Variants in COL3A1 observed in about 807,000 individuals in gnomAD.
COL3A1 encodes collagen type III alpha 1 chain, also known as collagen alpha-1(III) chain.
Under a neutral mutation model 200.9 loss-of-function variants are expected in COL3A1, and 46 were observed. The observed-to-expected ratio is 0.23, with a 90% CI of 0.18 to 0.29. COL3A1 has a LOEUF of 0.29. Ranked by LOEUF, COL3A1 falls within the 10% of genes least tolerant of loss-of-function variation. COL3A1 has a pLI of 1.00. For missense variants in COL3A1, 1,367 were observed against 1,917.6 expected, an observed-to-expected ratio of 0.71 and a Z score of 5.36; for synonymous variants, 650 against 628.0, an observed-to-expected ratio of 1.03 and a Z score of -0.52.
At position 189,010,188 on chromosome 2, in the gene COL3A1, G is replaced by T; in HGVS notation, c.3834G>T (p.Trp1278Cys). 1 of 1,614,038 alleles carries T rather than the reference G, an allele frequency of 6.2e-7. No homozygotes were observed. The highest frequency in any genetic ancestry group is 8.5e-7 in the Non-Finnish European group (1 of 1,179,972). ...CHPELKSGEY[W>C]VDPNQGCKLD... ...TTTGTGACTATTCAGGAGAATACTG[G>T]GTTGACCCTAACCAAGGATGCAAAT... The change falls in exon 49 of 51, where the codon TGG becomes TGT. Residue 1278 changes from tryptophan (W) to cysteine (C), a missense_variant. Physicochemically the swap from Trp to Cys is radical, Grantham distance 215 (BLOSUM62 -2). Coordinates refer to ENST00000304636, the MANE Select transcript of COL3A1 (RefSeq NM_000090.4).
At chr2:188,992,847 G>T in intron 14 of COL3A1, 40 bp from the exon 15 acceptor site, 1 of 1,572,630 alleles carries the variant, frequency 6.4e-7, no homozygotes, top group Non-Finnish European at 8.8e-7. Flanking sequence ...CTTTCATTTA[G>T]TTGAAAAAGA....
chr2:188,980,215 G>A (rs1687920482), intron 1 of COL3A1, among the ~76,000 whole-genome samples: 1 of 151,206 alleles, frequency 6.6e-6, no homozygotes, highest in Non-Finnish European at 1.5e-5. Flanking sequence ...TTTATAATTT[G>A]ACACTAAGAA....
chr2:188,989,440 T>G lies in COL3A1; in HGVS notation c.681T>G (p.Ala227=). 6.2e-7 allele frequency: 1 copy of G among 1,607,224 alleles called. No individual in the cohort carries two copies. The highest frequency in any genetic ancestry group is 1.3e-5 in the African/African-American group (1 of 74,780). The change falls in exon 8 of 51, where the codon GCT becomes GCG. Residue 227 remains alanine (A), a synonymous_variant. Coordinates refer to ENST00000304636, the MANE Select transcript of COL3A1 (RefSeq NM_000090.4). ...PPGAIGPSGP[A]GKDGESGRPG... is the part of the protein sequence containing the mutation. ...GTGCTATAGGTCCATCTGGTCCTGC[T>G]GGAAAAGATGTAAGTTTTTAAAACT... is the stretch of plus-strand genomic sequence containing the variant.
intron 37 of COL3A1, 87 bp from the exon 38 acceptor site, chr2:189,003,647 C>A: frequency 1.4e-6 from 2 of 1,450,224 alleles, no homozygotes; most frequent in Non-Finnish European, 1.9e-6. Flanking sequence ...AGGTACAATG[C>A]AGATCATGCC....
rs1162290106 is a variant in COL3A1 at position 188,994,473 on chromosome 2, G to T, written c.1294-68G>T. The T allele has an allele frequency of 6.4e-7, 1 of 1,573,916 alleles. No individual in the cohort carries two copies. The highest frequency in any genetic ancestry group is 1.3e-5 in the African/African-American group (1 of 74,090). On this transcript the variant is annotated intron_variant, in intron 18 of 50. Transcript: ENST00000304636. The surrounding 1 kb of genome is among the most constrained non-coding windows in gnomAD (Gnocchi z 4.5). The stretch of plus-strand genomic sequence containing the variant: ...GTCTTATAACTTATAACTGAATTAT[G>T]TGTTACTGGTGATGATTTGTTAGTC...
chr2:188,994,345 G>C lies in COL3A1; in HGVS notation c.1293+13G>C, dbSNP rs746866488. 1.1e-5 allele frequency: 17 copies of C among 1,613,176 alleles called. No individual in the cohort carries two copies. The highest frequency in any genetic ancestry group is 1.4e-5 in the Non-Finnish European group (17 of 1,179,802). On this transcript the variant is annotated intron_variant, in intron 18 of 50. Coordinates refer to ENST00000304636, the MANE Select transcript of COL3A1 (RefSeq NM_000090.4). The surrounding 1 kb of genome is among the most constrained non-coding windows in gnomAD (Gnocchi z 4.5). The stretch of plus-strand genomic sequence containing the variant: ...GCGAGGTGGTGCAGTAAGTTGCCTT[G>C]TTTTTTCTCTGTTGACTGAAAGGTA...
intron 16 of COL3A1, 139 bp downstream of exon 16, chr2:188,993,598 G>T: frequency 1.3e-6 from 1 of 748,502 alleles, no homozygotes; most frequent in Non-Finnish European, 2.3e-6. Context: ...GTTGCTTAGT[G>T]CTCTAAAATG....
At chr2:188,976,428 T>C (rs749480046) in intron 1 of COL3A1, among the ~76,000 whole-genome samples, 7 of 152,062 alleles carry the variant, frequency 4.6e-5, no homozygotes, top group Non-Finnish European at 1.0e-4. Context: ...TCAAAAAGAG[T>C]TGAAAGAGAA....
intron 1 of COL3A1, among the ~76,000 whole-genome samples, chr2:188,978,416 A>G (rs1246529256): frequency 6.6e-6 from 1 of 152,122 alleles, no homozygotes; most frequent in East Asian, 1.9e-4. Context: ...ATCTACGGTC[A>G]CATGCTGGAC....
chr2:188,999,674 A>T (rs1017253160), intron 31 of COL3A1, 97 bp downstream of exon 31: 45 of 1,429,104 alleles, frequency 3.1e-5, no homozygotes, highest in Non-Finnish European at 4.1e-5. Context: ...TATTTTCAAA[A>T]TTAATGTTAT....
rs1553506856 is a variant in COL3A1 at position 188,984,855 on chromosome 2, T to G, written c.175T>G (p.Ser59Ala). ...PCQICVCDSG[S>A]VLCDDIICDD... ...CCAAATATGTGTCTGTGACTCAGGATCCGTTCTCTGCGATGACATAATATG... is the reference window on the plus strand; with the variant it reads ...CCAAATATGTGTCTGTGACTCAGGAGCCGTTCTCTGCGATGACATAATATG... Residue 59 changes from serine (S) to alanine (A), a missense_variant, in exon 2 of 51, where the codon TCC becomes GCC. Coordinates refer to ENST00000304636, the MANE Select transcript of COL3A1 (RefSeq NM_000090.4). 1.9e-6 allele frequency: 3 copies of G among 1,613,242 alleles called. No individual in the cohort carries two copies. In the South Asian group the frequency reaches 3.3e-5, roughly 18 times the overall value.
Position 188,994,450 on chromosome 2 carries a change from C to G in COL3A1, c.1294-91C>G. ...GAATTTATATTGACTTCACTCTTGT[C>G]TTATAACTTATAACTGAATTATGTG... On this transcript the variant is annotated intron_variant, in intron 18 of 50. Coordinates refer to ENST00000304636, the MANE Select transcript of COL3A1 (RefSeq NM_000090.4). This position sits in a 1 kb window ranked among gnomAD's most constrained non-coding sequence, Gnocchi z 4.5. 1.3e-6 allele frequency: 2 copies of G among 1,564,750 alleles called. No homozygotes were observed. Among genetic ancestry groups the G allele is most frequent in the Non-Finnish European group, 1.8e-6 (2 of 1,136,508 alleles).
At position 189,007,453 on chromosome 2, in the gene COL3A1, A is replaced by G. The variant is rs200541836; in HGVS notation, c.3256-47A>G. On this transcript the variant is annotated intron_variant, in intron 44 of 50. Coordinates refer to ENST00000304636, the MANE Select transcript of COL3A1 (RefSeq NM_000090.4). ...ATTATAAATTCTATTTTATTTTTCC[A>G]ATATGTATGTGTGTATATGACTTCA... 482 of 1,361,834 alleles carry G rather than the reference A, an allele frequency of 3.5e-4. 1 individual carries two copies. The highest frequency in any genetic ancestry group is 1.1e-4 in the Non-Finnish European group (104 of 980,660). The allele number at this position is 1,361,834 out of a possible 1,614,324, so 84.4% of individuals were successfully genotyped here.
Position 189,003,407 on chromosome 2 carries a change from A to G in COL3A1, c.2554-4A>G, listed in dbSNP as rs543263157. 3 of 1,613,738 alleles carry G rather than the reference A, an allele frequency of 1.9e-6. No homozygotes were observed. In the African/African-American group the frequency reaches 4.0e-5, roughly 22 times the overall value. ...CTTACATAATTTCCTTCCATTTCAT[A>G]TAGGGTCCTCCTGGTCCCCAAGGTG... On this transcript the variant is annotated splice_polypyrimidine_tract_variant and splice_region_variant and intron_variant, in intron 36 of 50. Coordinates refer to ENST00000304636, the MANE Select transcript of COL3A1 (RefSeq NM_000090.4).
chr2:188,985,734 C>T lies in COL3A1; in HGVS notation c.403C>T (p.Pro135Ser). The change falls in exon 4 of 51, where the codon CCT becomes TCT. Residue 135 changes from proline (P) to serine (S), a missense_variant. Physicochemically the swap from Pro to Ser is moderately conservative, Grantham distance 74. This residue lies in a region of COL3A1 where 462 missense variants were observed against 681.4 expected (regional missense o/e 0.68). Coordinates refer to ENST00000304636, the MANE Select transcript of COL3A1 (RefSeq NM_000090.4). ...IPGQPGSPGSPGPPGICESCP... is the reference protein window; with the variant it reads ...IPGQPGSPGSSGPPGICESCP... ...AGGACAACCAGGGTCCCCTGGTTCTCCTGGCCCCCCTGGAATCTGTGAATC... is the reference window on the plus strand; with the variant it reads ...AGGACAACCAGGGTCCCCTGGTTCTTCTGGCCCCCCTGGAATCTGTGAATC... The T allele has an allele frequency of 6.2e-7, 1 of 1,611,770 alleles. No individual in the cohort carries two copies. The highest frequency in any genetic ancestry group is 8.5e-7 in the Non-Finnish European group (1 of 1,178,892).
chr2:188,982,328 T>A (rs1047381300), intron 1 of COL3A1, among the ~76,000 whole-genome samples: 1 of 151,768 alleles, frequency 6.6e-6, no homozygotes, highest in Non-Finnish European at 1.5e-5. Context: ...ACAATTTTAA[T>A]AAGTCAATAT....
intron 15 of COL3A1, 44 bp from the exon 16 acceptor site, chr2:188,993,317 T>C (rs1576464667): frequency 6.7e-7 from 1 of 1,492,628 alleles, no homozygotes; most frequent in East Asian, 2.5e-5. Flanking sequence ...GCTAAGTGAG[T>C]AGAAGTGGTA....
At chr2:189,005,576 T>C (rs1480607060) in intron 41 of COL3A1, 119 bp downstream of exon 41, 2 of 800,280 alleles carry the variant, frequency 2.5e-6, no homozygotes, top group African/African-American at 1.7e-5. Context: ...AGTTCTTCTA[T>C]CTCTAATAAC....
intron 16 of COL3A1, 142 bp from the exon 17 acceptor site, chr2:188,993,896 T>C (rs1372101857): frequency 9.3e-6 from 7 of 752,694 alleles, no homozygotes; most frequent in Non-Finnish European, 1.6e-5. Flanking sequence ...ACATTTCATA[T>C]GTTGTGTTAT....
Sources: gnomAD v4.1 joint callset for allele counts (sites outside exome capture counted in the v4.1 genomes callset) on GRCh38, gnomAD v4.1.1 for gene constraint, gnomAD v4.1.1 regional missense constraint, Gnocchi (gnomAD v3.1) non-coding constraint, MANE v1.5 for transcripts, NCBI Gene and HGNC (gene_info 2026-07-23, HGNC 2026-07-21) for gene names.